Variants in DNAH1 observed in about 807,000 individuals in gnomAD.
DNAH1 encodes the protein axonemal beta dynein heavy chain 1.
DNAH1 carries 327 observed loss-of-function variants against 484.3 expected under a neutral mutation model. That is an observed-to-expected ratio of 0.68 (90% CI 0.62 to 0.74). DNAH1 has a LOEUF of 0.74. Among genes scored for constraint, DNAH1 ranks in the 30% least tolerant of loss-of-function variants. The probability of loss-of-function intolerance (pLI) is 0.00; values close to 1 mark genes in which losing one functional copy is unlikely to be tolerated. For synonymous variants in DNAH1, 2,192 were observed against 2,191.9 expected (o/e 1.00, Z 0.00); for missense variants, 5,052 against 5,546.8 (o/e 0.91, Z 2.83).
At chr3:52,380,842 C>T (rs950592984) in intron 48 of DNAH1, among the ~76,000 whole-genome samples, 1 of 152,206 alleles carries the variant, frequency 6.6e-6, no homozygotes, top group Non-Finnish European at 1.5e-5. Flanking sequence ...TGCCCCCAAG[C>T]CATCCCTAGA....
In DNAH1 at chr3:52,357,683, G is replaced by A. The variant is rs1005584698; in HGVS notation, c.3928G>A (p.Val1310Met). The stretch of plus-strand genomic sequence containing the variant: ...GGACTGCAACAAGATTCTGGACCTG[G>A]TGCAGAAGGGCCTCAGCGAGTATCT... ...LRDCNKILDL[V>M]QKGLSEYLET... The change falls in exon 23 of 78, where the codon GTG (valine) becomes ATG (methionine). Residue 1310 changes from valine to methionine, a missense_variant. Val to Met is a conservative substitution (Grantham distance 21). Coordinates refer to ENST00000420323, the MANE Select transcript of DNAH1 (RefSeq NM_015512.5). The A allele has an allele frequency of 1.9e-6, 3 of 1,592,712 alleles. No individual in the cohort carries two copies. The highest frequency in any genetic ancestry group is 2.7e-5 in the African/African-American group (2 of 74,634).
intron 8 of DNAH1, among the ~76,000 whole-genome samples, chr3:52,343,767 G>A (rs1210267779): frequency 6.6e-6 from 1 of 152,208 alleles, no homozygotes; most frequent in African/African-American, 2.4e-5. Context: ...AGAAAGGCCT[G>A]TCCGCAAAGG....
chr3:52,353,950 T>C lies in DNAH1; in HGVS notation c.3480+317T>C, dbSNP rs1300340583. ...CACATGCCTGTAAATCCCAGCACTT[T>C]GGGAGGATGAGGAGGAAGGATCGCT... On this transcript the variant is annotated intron_variant, in intron 20 of 77. Coordinates refer to ENST00000420323, the MANE Select transcript of DNAH1 (RefSeq NM_015512.5). The surrounding 1 kb of genome is among the most constrained non-coding windows in gnomAD (Gnocchi z 5.0). The C allele has an allele frequency of 3.0e-6, 1 of 331,084 alleles. No individual in the cohort carries two copies. The highest frequency in any genetic ancestry group is 5.7e-6 in the Non-Finnish European group (1 of 174,032). The allele number at this position is 331,084 out of a possible 1,614,324, so 20.5% of individuals were successfully genotyped here.
Position 52,396,741 on chromosome 3 carries a change from A to G in DNAH1, c.11554A>G (p.Ile3852Val). Residue 3852 changes from isoleucine (I) to valine (V), a missense_variant, in exon 72 of 78, where the codon ATC becomes GTC. Transcript: ENST00000420323. ...PYEFTDGDLR[I>V]CISQLKMFLD... ...TGAGTTCACGGATGGAGATCTGCGC[A>G]TCTGCATCAGCCAGCTCAAGATGTT... 1.2e-6 allele frequency: 2 copies of G among 1,613,766 alleles called. No individual in the cohort carries two copies. Among genetic ancestry groups the G allele is most frequent in the Non-Finnish European group, 1.7e-6 (2 of 1,179,870 alleles).
Position 52,395,003 on chromosome 3 carries a change from A to C in DNAH1, c.10912A>C (p.Asn3638His), listed in dbSNP as rs772810465. The C allele has an allele frequency of 1.2e-6, 2 of 1,612,112 alleles. No individual in the cohort carries two copies. Among genetic ancestry groups the C allele is most frequent in the Admixed American group, 3.3e-5 (2 of 59,780 alleles). Residue 3638 changes from asparagine to histidine, a missense_variant, in exon 68 of 78, where the codon AAC becomes CAC. Physicochemically the swap from Asn to His is moderately conservative, Grantham distance 68. Around this residue, in one of 4 missense-constraint regions of DNAH1, gnomAD observed 853 missense variants for 899.0 expected, o/e 0.95. Transcript: ENST00000420323. This position sits in a 1 kb window ranked among gnomAD's most constrained non-coding sequence, Gnocchi z 4.4. ...LRCLRGDKVT[N>H]AMQDFVATNL... is the part of the protein sequence containing the mutation. ...CTGCCTGCGTGGGGACAAGGTTACC[A>C]ACGCCATGCAGGACTTTGTGGCCAC...
Position 52,346,727 on chromosome 3 carries a change from G to C in DNAH1, c.1912G>C (p.Asp638His). 6.2e-7 allele frequency: 1 copy of C among 1,613,270 alleles called. No individual in the cohort carries two copies. Among genetic ancestry groups the C allele is most frequent in the Non-Finnish European group, 8.5e-7 (1 of 1,179,316 alleles). Residue 638 changes from aspartate to histidine, a missense_variant, in exon 11 of 78, where the codon GAT becomes CAT. Coordinates refer to ENST00000420323, the MANE Select transcript of DNAH1 (RefSeq NM_015512.5). ...CTGTTGCAGCGTGCTCAACTGCACC[G>C]ATGACATGGTCTGGGGTGACGACTT... ...DTCCSVLNCTDDMVWGDDLIN... is the reference protein window; with the variant it reads ...DTCCSVLNCTHDMVWGDDLIN...
Position 52,397,802 on chromosome 3 carries a change from G to C in DNAH1, c.11883G>C (p.Glu3961Asp). Reference protein sequence around the residue: ...DNANITFAQNETFALLGTIIQ... With the variant: ...DNANITFAQNDTFALLGTIIQ... ...CCAACATCACCTTTGCCCAGAACGA[G>C]ACGTTCGCCCTCCTGGGCACCATCA... The change falls in exon 74 of 78, where the codon GAG becomes GAC. Residue 3961 changes from glutamate (E) to aspartate (D), a missense_variant. Coordinates refer to ENST00000420323, the MANE Select transcript of DNAH1 (RefSeq NM_015512.5). The C allele has an allele frequency of 2.5e-6, 4 of 1,613,746 alleles. No individual in the cohort carries two copies. Among genetic ancestry groups the C allele is most frequent in the Non-Finnish European group, 3.4e-6 (4 of 1,179,768 alleles).
At chr3:52,325,507 A>T (rs1384501322) in intron 3 of DNAH1, among the ~76,000 whole-genome samples, 1 of 152,104 alleles carries the variant, frequency 6.6e-6, no homozygotes, top group Non-Finnish European at 1.5e-5. Context: ...TCCATTGATT[A>T]TCTGGTGTCA....
intron 20 of DNAH1, 26 bp from the exon 21 acceptor site, chr3:52,354,817 T>C: frequency 6.2e-7 from 1 of 1,610,498 alleles, no homozygotes; most frequent in Non-Finnish European, 8.5e-7. Flanking sequence ...CTCCCAGGAC[T>C]CAGCCTGGCT....
intron 50 of DNAH1, among the ~76,000 whole-genome samples, chr3:52,382,715 CACT>C (rs1196229762): frequency 1.3e-5 from 2 of 152,260 alleles, no homozygotes; most frequent in Non-Finnish European, 2.9e-5. Flanking sequence ...CATAGCACCC[CACT>C]CACTGGCCAA....
At position 52,356,782 on chromosome 3, in the gene DNAH1, A is replaced by G; in HGVS notation, c.3858+4A>G. The G allele has an allele frequency of 6.3e-7, 1 of 1,596,700 alleles. No individual in the cohort carries two copies. The highest frequency in any genetic ancestry group is 1.1e-5 in the South Asian group (1 of 88,988). Reference sequence around the variant, plus strand: ...GAATGCCTACGAGAACCGGGAGGCAAGCTCAATGAGGGTGGGAGGGGCAGC... The same window carrying G: ...GAATGCCTACGAGAACCGGGAGGCAGGCTCAATGAGGGTGGGAGGGGCAGC... On this transcript the variant is annotated splice_donor_region_variant and intron_variant, in intron 22 of 77. Transcript: ENST00000420323.
At chr3:52,328,344 C>T (rs1701425710) in intron 6 of DNAH1, among the ~76,000 whole-genome samples, 1 of 152,186 alleles carries the variant, frequency 6.6e-6, no homozygotes, top group South Asian at 2.1e-4. Flanking sequence ...ATCCCTCCAC[C>T]CAGAAGCCCC....
At position 52,386,843 on chromosome 3, in the gene DNAH1, A is replaced by G; in HGVS notation, c.8993A>G (p.Lys2998Arg). 2 of 1,572,468 alleles carry G rather than the reference A, an allele frequency of 1.3e-6. No individual in the cohort carries two copies. The highest frequency in any genetic ancestry group is 1.7e-6 in the Non-Finnish European group (2 of 1,159,642). ...DPGHFLESLF[K>R]FDKDNIGDVV... ...GGCCACTTCCTTGAGAGCCTCTTCA[A>G]GTTTGACAAGGTAAGCATGCCAGGC... Residue 2998 changes from lysine to arginine, a missense_variant, in exon 56 of 78, where the codon AAG becomes AGG. By Grantham distance (26) the Lys-to-Arg change is conservative (BLOSUM62 2). Coordinates refer to ENST00000420323, the MANE Select transcript of DNAH1 (RefSeq NM_015512.5).
Position 52,383,595 on chromosome 3 carries a change from G to C in DNAH1, c.8150+1G>C. 1 of 1,571,452 alleles carries C rather than the reference G, an allele frequency of 6.4e-7. No homozygotes were observed. Among genetic ancestry groups the C allele is most frequent in the Non-Finnish European group, 8.7e-7 (1 of 1,155,562 alleles). ...ACATCCACATGGTGCTGTGCATGAG[G>C]TACAGGCAGCTGTCGCCAGGCTGCG... On this transcript the variant is annotated splice_donor_variant, in intron 51 of 77. Coordinates refer to ENST00000420323, the MANE Select transcript of DNAH1 (RefSeq NM_015512.5). LOFTEE classifies it high-confidence loss of function.
At chr3:52,345,773 C>T in intron 10 of DNAH1, 67 bp downstream of exon 10, 5 of 1,506,098 alleles carry the variant, frequency 3.3e-6, no homozygotes, top group African/African-American at 1.4e-5. Flanking sequence ...AGGCACAGGT[C>T]GGGGCTGCAG....
intron 8 of DNAH1, 133 bp from the exon 9 acceptor site, chr3:52,344,357 G>A (rs760020747): frequency 7.2e-5 from 79 of 1,092,748 alleles, no homozygotes; most frequent in Non-Finnish European, 9.5e-5. Flanking sequence ...CCGGGTGGGG[G>A]TGTGCCCATG....
In DNAH1 at chr3:52,395,522, C is replaced by A. The variant is rs1470300642; in HGVS notation, c.11128-25C>A. The A allele has an allele frequency of 2.5e-6, 4 of 1,613,196 alleles. No homozygotes were observed. The highest frequency in any genetic ancestry group is 1.3e-5 in the African/African-American group (1 of 74,956). ...GCTGGGGGGTGGGCAAGCTGGCCCC[C>A]TGCTCAGTGCTCTTGCCCCTGCAGG... is the stretch of plus-strand genomic sequence containing the variant. On this transcript the variant is annotated intron_variant, in intron 69 of 77. Transcript: ENST00000420323. The surrounding 1 kb of genome is among the most constrained non-coding windows in gnomAD (Gnocchi z 4.4).
chr3:52,383,814 C>A, intron 51 of DNAH1, 46 bp from the exon 52 acceptor site: 1 of 1,535,646 alleles, frequency 6.5e-7, no homozygotes, highest in South Asian at 1.3e-5. Flanking sequence ...CTCCTGGGGT[C>A]GTTGGTCAGT....
chr3:52,326,545 C>A (rs1701352248), intron 4 of DNAH1, among the ~76,000 whole-genome samples, 190 bp from the exon 5 acceptor site: 1 of 152,090 alleles, frequency 6.6e-6, no homozygotes, highest in Non-Finnish European at 1.5e-5. Context: ...GACAGAAGGG[C>A]AGTTGGAGCC....
Sources: gnomAD v4.1 joint callset for allele counts (sites outside exome capture counted in the v4.1 genomes callset) on GRCh38, gnomAD v4.1.1 for gene constraint, gnomAD v4.1.1 regional missense constraint, Gnocchi (gnomAD v3.1) non-coding constraint, MANE v1.5 for transcripts, NCBI Gene and HGNC (gene_info 2026-07-23, HGNC 2026-07-21) for gene names.